ABCB9: variants seen among roughly 807,000 people sequenced by gnomAD.
ABCB9 encodes the protein ATP binding cassette subfamily B member 9.
In ABCB9, 36 loss-of-function variants were observed where a neutral mutation model predicts 62.0. The observed-to-expected ratio is 0.58, with a 90% CI of 0.45 to 0.77. ABCB9 has a LOEUF of 0.77. Among genes scored for constraint, ABCB9 ranks in the 30% least tolerant of loss-of-function variants. The probability of loss-of-function intolerance (pLI) is 0.00; values close to 1 mark genes in which losing one functional copy is unlikely to be tolerated. For synonymous variants in ABCB9, 435 were observed against 461.4 expected (o/e 0.94, Z 0.73); for missense variants, 943 against 1,054.7 (o/e 0.89, Z 1.47).
intron 9 of ABCB9, chr12:122,939,460 A>G (rs1306050654): frequency 2.0e-5 from 3 of 152,550 alleles, no homozygotes; most frequent in African/African-American, 7.2e-5. Context: ...CTAAAAGTCA[A>G]CACATTACTT....
chr12:122,931,492 T>G (rs2035160268), intron 11 of ABCB9: 1 of 149,816 alleles, frequency 6.7e-6, no homozygotes, highest in South Asian at 2.1e-4. Context: ...GCCCAGCTAA[T>G]TTTTGTATTT....
upstream of ABCB9, among the ~76,000 whole-genome samples, chr12:122,969,986 T>C (rs1454525583): frequency 6.6e-6 from 1 of 152,156 alleles, no homozygotes; most frequent in Non-Finnish European, 1.5e-5. Context: ...ATGCTCTTAC[T>C]ACATGATCAG....
chr12:122,929,099 G>A lies in ABCB9; in HGVS notation c.*812C>T. ...GCCACCATCCCATCCACCAAAGACA[G>A]AAGAGAATGCATCTCATGAACATCC... On this transcript the variant is annotated 3_prime_UTR_variant, in exon 12 of 12. Transcript: ENST00000280560. The surrounding 1 kb of genome is among the most constrained non-coding windows in gnomAD (Gnocchi z 6.0). The A allele has an allele frequency of 1.0e-6, 1 of 984,460 alleles. No individual in the cohort carries two copies. Among genetic ancestry groups the A allele is most frequent in the Non-Finnish European group, 1.2e-6 (1 of 829,558 alleles). 61.0% of individuals were successfully genotyped at this position (984,460 alleles called of 1,614,324 possible).
chr12:122,974,540 G>C (rs917747311), intron 1 of ABCB9: 4 of 152,300 alleles, frequency 2.6e-5, no homozygotes, highest in African/African-American at 4.8e-5. Flanking sequence ...AATGCTGGTA[G>C]ATTCCTGAGC....
chr12:122,925,880 G>A (rs2034889358), downstream of ABCB9, among the ~76,000 whole-genome samples: 1 of 152,200 alleles, frequency 6.6e-6, no homozygotes, highest in Non-Finnish European at 1.5e-5. Flanking sequence ...ACAAAATGTG[G>A]CATAGCCATA....
upstream of ABCB9, among the ~76,000 whole-genome samples, chr12:122,966,929 C>T (rs532860264): frequency 3.4e-4 from 52 of 152,374 alleles, no homozygotes; most frequent in African/African-American, 1.2e-3. Context: ...GTGCCTACGG[C>T]GTGCCATATG....
downstream of ABCB9, among the ~76,000 whole-genome samples, chr12:122,925,836 C>G (rs1205880191): frequency 6.6e-6 from 1 of 152,206 alleles, no homozygotes; most frequent in Non-Finnish European, 1.5e-5. Context: ...AAGGTGGAAA[C>G]AGCCCAAATA....
chr12:122,922,697 A>G (rs1288863526), intron 11 of ABCB9, among the ~76,000 whole-genome samples: 2 of 152,018 alleles, frequency 1.3e-5, no homozygotes, highest in East Asian at 3.9e-4. Flanking sequence ...TTTTATTCTT[A>G]AAGAAGTAAG....
chr12:122,945,459 C>A (rs1215750916), intron 6 of ABCB9, among the ~76,000 whole-genome samples: 1 of 152,056 alleles, frequency 6.6e-6, no homozygotes, highest in Non-Finnish European at 1.5e-5. Context: ...TGAGACCTGC[C>A]CGAAAGTGGC....
At chr12:122,927,312 C>T (rs761603899), downstream of ABCB9, among the ~76,000 whole-genome samples, 20 of 152,118 alleles carry the variant, frequency 1.3e-4, no homozygotes, top group East Asian at 7.7e-4. Flanking sequence ...GCTGGGACTA[C>T]AGGCGTGTGC....
Position 122,944,341 on chromosome 12 carries a change from C to T in ABCB9, c.1380+50G>A. The T allele has an allele frequency of 7.0e-7, 1 of 1,436,080 alleles. No homozygotes were observed. The highest frequency in any genetic ancestry group is 9.5e-7 in the Non-Finnish European group (1 of 1,049,424). 89.0% of individuals were successfully genotyped at this position (1,436,080 alleles called of 1,614,324 possible). On this transcript the variant is annotated intron_variant, in intron 7 of 11. Coordinates refer to ENST00000280560, the MANE Select transcript of ABCB9 (RefSeq NM_019625.4). The surrounding 1 kb of genome is among the most constrained non-coding windows in gnomAD (Gnocchi z 4.9). ...CCCCCACCCTGTTAAGATCCCTCTT[C>T]CCCAAACTCCTCCCTTCTCTCTGGA...
At chr12:122,970,566 G>GA (rs1349384746), upstream of ABCB9, among the ~76,000 whole-genome samples, 1 of 152,100 alleles carries the variant, frequency 6.6e-6, no homozygotes, top group Non-Finnish European at 1.5e-5. Flanking sequence ...TTATTCTATT[G>GA]AATGTTTCCA....
Position 122,944,181 on chromosome 12 carries a change from C to T in ABCB9, c.1380+210G>A, listed in dbSNP as rs370884790. Among the ~76,000 whole-genome samples the T allele has an allele frequency of 2.0e-5, 3 of 152,194 alleles. No individual in the cohort carries two copies. Among genetic ancestry groups the T allele is most frequent in the Middle Eastern group, 3.4e-3 (1 of 294 alleles). Reference sequence around the variant, plus strand: ...TGACCTCAAGTGATCCACCCGCCTCCGCCTCCCAAAGTTCTGGGATTATAG... The same window carrying T: ...TGACCTCAAGTGATCCACCCGCCTCTGCCTCCCAAAGTTCTGGGATTATAG... On this transcript the variant is annotated intron_variant, in intron 7 of 11. Coordinates refer to ENST00000280560, the MANE Select transcript of ABCB9 (RefSeq NM_019625.4). This position sits in a 1 kb window ranked among gnomAD's most constrained non-coding sequence, Gnocchi z 4.9.
Position 122,944,249 on chromosome 12 carries a change from T to G in ABCB9, c.1380+142A>C, listed in dbSNP as rs886798937. 9.4e-6 allele frequency: 12 copies of G among 1,275,554 alleles called. No homozygotes were observed. Among genetic ancestry groups the G allele is most frequent in the Admixed American group, 9.2e-5 (4 of 43,686 alleles). 79.0% of individuals were successfully genotyped at this position (1,275,554 alleles called of 1,614,324 possible). A position where few individuals can be genotyped will look rare whatever the true frequency, so the allele number is the denominator to read the frequency against. On this transcript the variant is annotated intron_variant, in intron 7 of 11. Transcript: ENST00000280560. This position sits in a 1 kb window ranked among gnomAD's most constrained non-coding sequence, Gnocchi z 4.9. ...CTGCCTAGTATTATCATTCTTGATATGATCATGCTGTCTCCCCTACTTACC... is the reference window on the plus strand; with the variant it reads ...CTGCCTAGTATTATCATTCTTGATAGGATCATGCTGTCTCCCCTACTTACC...
At chr12:122,970,682 G>A (rs2037259815), upstream of ABCB9, among the ~76,000 whole-genome samples, 1 of 152,148 alleles carries the variant, frequency 6.6e-6, no homozygotes, top group African/African-American at 2.4e-5. Flanking sequence ...CCATGAGCAT[G>A]TAAAATGATT....
intron 2 of ABCB9, among the ~76,000 whole-genome samples, chr12:122,958,315 G>A (rs2036720023): frequency 6.6e-6 from 1 of 152,124 alleles, no homozygotes; most frequent in South Asian, 2.1e-4. Context: ...TGAGGTACTG[G>A]TTGGAAAAAT....
At position 122,932,385 on chromosome 12, in the gene ABCB9, G is replaced by C; in HGVS notation, c.1904-57C>G. On this transcript the variant is annotated intron_variant, in intron 10 of 11. Transcript: ENST00000280560. The surrounding 1 kb of genome is among the most constrained non-coding windows in gnomAD (Gnocchi z 4.7). Reference sequence around the variant, plus strand: ...AATGGGTGAGGCCGGGCAGCACCGGGGAAGAGTGAGAGGCCCTGCCCTGCA... The same window carrying C: ...AATGGGTGAGGCCGGGCAGCACCGGCGAAGAGTGAGAGGCCCTGCCCTGCA... 6.6e-7 allele frequency: 1 copy of C among 1,510,816 alleles called. No homozygotes were observed. Among genetic ancestry groups the C allele is most frequent in the Non-Finnish European group, 8.9e-7 (1 of 1,123,180 alleles). The allele number at this position is 1,510,816 out of a possible 1,614,324, so 93.6% of individuals were successfully genotyped here.
At chr12:122,928,379 G>C (rs1345685066), downstream of ABCB9, among the ~76,000 whole-genome samples, 1 of 151,450 alleles carries the variant, frequency 6.6e-6, no homozygotes, top group Non-Finnish European at 1.5e-5. Flanking sequence ...TGAGGCAGGA[G>C]AATCGCTTGA....
intron 2 of ABCB9, chr12:122,951,152 T>C (rs2036346902): frequency 6.6e-6 from 1 of 152,120 alleles, no homozygotes; most frequent in Admixed American, 6.5e-5. Context: ...CTGAACTTTG[T>C]TTCATTCCCT....
Sources: allele counts gnomAD v4.1 joint callset (sites outside exome capture counted in the v4.1 genomes callset), GRCh38; gene constraint gnomAD v4.1.1; non-coding constraint Gnocchi (gnomAD v3.1); transcripts MANE v1.5; gene names NCBI Gene and HGNC (gene_info 2026-07-23, HGNC 2026-07-21).